EBF1: variants seen among roughly 807,000 people sequenced by gnomAD.
EBF1 encodes the protein EBF transcription factor 1.
EBF1 carries 10 observed loss-of-function variants against 68.4 expected under a neutral mutation model. The observed-to-expected ratio is 0.15, with a 90% CI of 0.09 to 0.25. EBF1 has a LOEUF of 0.25. Ranked by LOEUF, EBF1 falls within the 10% of genes least tolerant of loss-of-function variation. The pLI is 1.00. For missense variants in EBF1, 509 were observed against 794.4 expected, an observed-to-expected ratio of 0.64 and a Z score of 4.32; for synonymous variants, 298 against 299.8, an observed-to-expected ratio of 0.99 and a Z score of 0.06.
At chr5:158,990,143 G>A (rs192639718) in intron 6 of EBF1, among the ~76,000 whole-genome samples, 6 of 152,170 alleles carry the variant, frequency 3.9e-5, no homozygotes, top group Non-Finnish European at 8.8e-5. Flanking sequence ...GCACCAAGGG[G>A]TTCAGTCAAA....
Position 158,992,280 on chromosome 5 carries a change from A to G in EBF1, c.554+81116T>C, listed in dbSNP as rs1306259486. ...AAATGCAAGTCACTGTACTGTGCTC[A>G]TGTAGCAGTGGAGGCCAAAATGCTC... On this transcript the variant is annotated intron_variant, in intron 6 of 15. Transcript: ENST00000313708. 3.3e-5 allele frequency among the ~76,000 whole-genome samples: 5 copies of G among 151,198 alleles called. No individual in the cohort carries two copies. The East Asian group carries it at 7.7e-4, about 23-fold the overall frequency.
intron 6 of EBF1, among the ~76,000 whole-genome samples, chr5:158,860,835 C>T (rs1025960039): frequency 4.6e-5 from 7 of 152,118 alleles, no homozygotes; most frequent in Admixed American, 1.3e-4. Context: ...ACTCTGATAT[C>T]GCCATCATGA....
rs77042966 is a variant in EBF1 at position 158,806,274 on chromosome 5, C to T, written c.779-9799G>A. On this transcript the variant is annotated intron_variant, in intron 8 of 15. Coordinates refer to ENST00000313708, the MANE Select transcript of EBF1 (RefSeq NM_024007.5). ...ACAAGTTTCCCAGGCAAACAAGGTG[C>T]GAACGAAAGAAAAAGTTGCATGAGA... Among the ~76,000 whole-genome samples the T allele has an allele frequency of 7.6e-3, 1,156 of 152,070 alleles. 13 individuals are homozygous for T. Among genetic ancestry groups the T allele is most frequent in the African/African-American group, 0.026 (1,097 of 41,518 alleles).
intron 6 of EBF1, among the ~76,000 whole-genome samples, chr5:159,014,929 T>G (rs546445029): frequency 4.5e-4 from 68 of 152,308 alleles, no homozygotes; most frequent in South Asian, 4.4e-3. Context: ...GGAACCTGGC[T>G]GGAGGGCTTT....
chr5:158,964,984 A>C (rs1316117849), intron 6 of EBF1, among the ~76,000 whole-genome samples: 1 of 152,368 alleles, frequency 6.6e-6, no homozygotes, highest in African/African-American at 2.4e-5. Flanking sequence ...GTGATGCGTC[A>C]AACAAATAAT....
At chr5:158,793,553 C>A (rs1331411668) in intron 9 of EBF1, among the ~76,000 whole-genome samples, 1 of 152,102 alleles carries the variant, frequency 6.6e-6, no homozygotes, top group Non-Finnish European at 1.5e-5. Flanking sequence ...CTCTTATTAA[C>A]TAGGACTTTT....
At position 158,860,834 on chromosome 5, in the gene EBF1, T is replaced by C. The variant is rs114566665; in HGVS notation, c.555-20724A>G. Among the ~76,000 whole-genome samples the C allele has an allele frequency of 5.9e-3, 892 of 152,268 alleles. 14 individuals are homozygous for C. Among genetic ancestry groups the C allele is most frequent in the African/African-American group, 0.021 (856 of 41,546 alleles). On this transcript the variant is annotated intron_variant, in intron 6 of 15. Transcript: ENST00000313708. ...TCCCTTTTGCCTCAGAACTCTGATA[T>C]CGCCATCATGACATCCACCTCCAGC...
intron 8 of EBF1, among the ~76,000 whole-genome samples, chr5:158,799,258 T>C (rs946834832): frequency 2.0e-5 from 3 of 151,948 alleles, no homozygotes; most frequent in African/African-American, 7.3e-5. Flanking sequence ...TAAGACTCTG[T>C]CTCTTGAAAG....
At chr5:159,018,374 A>T in intron 6 of EBF1, among the ~76,000 whole-genome samples, 1 of 152,218 alleles carries the variant, frequency 6.6e-6, no homozygotes, top group East Asian at 1.9e-4. Context: ...AATCCCTGAA[A>T]CTACACATAG....
intron 10 of EBF1, among the ~76,000 whole-genome samples, chr5:158,762,786 C>T (rs887704493): frequency 4.6e-5 from 7 of 152,156 alleles, no homozygotes; most frequent in African/African-American, 1.4e-4. Flanking sequence ...CCGCCTGCCT[C>T]GGCCTCCCAA....
At chr5:158,932,310 A>G (rs1228248324) in intron 6 of EBF1, among the ~76,000 whole-genome samples, 2 of 152,264 alleles carry the variant, frequency 1.3e-5, no homozygotes, top group Non-Finnish European at 2.9e-5. Context: ...TTATACAGTC[A>G]TTAAAAAACA....
chr5:159,080,388 A>G (rs1360775151), intron 5 of EBF1, among the ~76,000 whole-genome samples: 1 of 152,170 alleles, frequency 6.6e-6, no homozygotes, highest in Non-Finnish European at 1.5e-5. Flanking sequence ...AGGCCACACC[A>G]TAAGCTCCCC....
chr5:158,765,074 A>G (rs1261886432), intron 10 of EBF1, among the ~76,000 whole-genome samples: 1 of 152,222 alleles, frequency 6.6e-6, no homozygotes, highest in Non-Finnish European at 1.5e-5. Flanking sequence ...TAGTGTCAGT[A>G]GTCAGACCTG....
chr5:159,084,619 T>C, intron 5 of EBF1, 47 bp downstream of exon 5: 1 of 1,445,922 alleles, frequency 6.9e-7, no homozygotes, highest in Non-Finnish European at 9.3e-7. Flanking sequence ...AAATGCAAAT[T>C]CATCTTCTCT....
intron 5 of EBF1, among the ~76,000 whole-genome samples, chr5:159,081,965 CCAGT>C (rs1484011824): frequency 6.6e-6 from 1 of 152,152 alleles, no homozygotes; most frequent in Non-Finnish European, 1.5e-5. Flanking sequence ...AGCTCCATGT[CCAGT>C]CAAAGAGGCT....
intron 6 of EBF1, among the ~76,000 whole-genome samples, chr5:158,886,946 G>A (rs1377758183): frequency 6.6e-6 from 1 of 152,144 alleles, no homozygotes; most frequent in Non-Finnish European, 1.5e-5. Context: ...AGGTTGCAAT[G>A]AGCCGAGATC....
chr5:158,741,334 G>A (rs796645438), intron 10 of EBF1, among the ~76,000 whole-genome samples: 2 of 152,260 alleles, frequency 1.3e-5, no homozygotes, highest in African/African-American at 2.4e-5. Context: ...TAGCACATTG[G>A]GAGGCTGAGG....
chr5:159,051,560 T>A (rs1561891587), intron 6 of EBF1, among the ~76,000 whole-genome samples: 1 of 151,246 alleles, frequency 6.6e-6, no homozygotes, highest in Non-Finnish European at 1.5e-5. Flanking sequence ...TCGCTACGTG[T>A]CGCTAACAAC....
chr5:158,801,477 G>A (rs1346431764), intron 8 of EBF1, among the ~76,000 whole-genome samples: 1 of 151,966 alleles, frequency 6.6e-6, no homozygotes, highest in Non-Finnish European at 1.5e-5. Flanking sequence ...GCCACGTGCT[G>A]GGGGAATTGC....
Sources: gnomAD v4.1 joint callset for allele counts (sites outside exome capture counted in the v4.1 genomes callset) on GRCh38, gnomAD v4.1.1 for gene constraint, MANE v1.5 for transcripts, NCBI Gene and HGNC (gene_info 2026-07-23, HGNC 2026-07-21) for gene names.